The following CHST6 variants were observed in gnomAD, a reference collection of about 807,000 sequenced individuals.
CHST6 encodes carbohydrate sulfotransferase 6, also known as N-acetylglucosamine 6-O-sulfotransferase 5.
For missense variants in CHST6, 698 were observed against 586.2 expected (o/e 1.19, Z -1.97); for synonymous variants, 309 against 276.4 (o/e 1.12, Z -1.17).
chr16:75,481,502 G>A (rs751310393), intron 2 of CHST6, among the ~76,000 whole-genome samples: 33 of 151,508 alleles, frequency 2.2e-4, no homozygotes, highest in Non-Finnish European at 2.4e-4. Context: ...AGGCTGAGAC[G>A]TGAAAATCGC....
intron 1 of CHST6, among the ~76,000 whole-genome samples, chr16:75,484,769 G>A (rs988077728): frequency 2.6e-5 from 4 of 151,622 alleles, no homozygotes; most frequent in Non-Finnish European, 4.4e-5. Context: ...ATTTGAACCC[G>A]GGAGATGGAG....
Position 75,478,990 on chromosome 16 carries a change from G to C in CHST6, c.839C>G (p.Pro280Arg), listed in dbSNP as rs201767298. ...GTAGAGCGCACGGATTTCTGCCAGC[G>C]GCTCCCGCGCCAGGTCCTCGAAGCG... is the stretch of plus-strand genomic sequence containing the variant. ...LVRFEDLARE[P>R]LAEIRALYAF... The change falls in exon 3 of 3, where the codon CCG (proline) becomes CGG (arginine). Residue 280 changes from proline (P) to arginine (R), a missense_variant. Pro to Arg is a moderately radical substitution (Grantham distance 103, BLOSUM62 -2). Transcript: ENST00000332272. 6.2e-7 allele frequency: 1 copy of C among 1,612,502 alleles called. No homozygotes were observed. Among genetic ancestry groups the C allele is most frequent in the Admixed American group, 1.7e-5 (1 of 60,022 alleles).
At chr16:75,488,411 G>A (rs544558648) in intron 1 of CHST6, among the ~76,000 whole-genome samples, 4 of 151,430 alleles carry the variant, frequency 2.6e-5, no homozygotes, top group Admixed American at 6.6e-5. Flanking sequence ...AGGTTGCAGT[G>A]AGCAGAGATC....
rs779533315 is a variant in CHST6, at chr16:75,479,800, G to A, written c.29C>T (p.Ala10Val). Residue 10 changes from alanine (A) to valine (V), a missense_variant, in exon 3 of 3, where the codon GCA becomes GTA. Physicochemically the swap from Ala to Val is moderately conservative, Grantham distance 64 (BLOSUM62 0). Transcript: ENST00000332272. ...CTGCGCCAGGAGGAGCGCGGTCACT[G>A]CTGTGCTGGAGACGCGCGGCAGCCA... MWLPRVSST[A>V]VTALLLAQTF... is the part of the protein sequence containing the mutation. 197 of 1,575,654 alleles carry A rather than the reference G, an allele frequency of 1.3e-4. No homozygotes were observed. Among genetic ancestry groups the A allele is most frequent in the Non-Finnish European group, 1.6e-4 (185 of 1,162,510 alleles).
rs2080062872 is a variant in CHST6 at position 75,476,073 on chromosome 16, C to A, written c.*2568G>T. 6.6e-6 allele frequency: 1 copy of A among 151,886 alleles called. No homozygotes were observed. Among genetic ancestry groups the A allele is most frequent in the Non-Finnish European group, 1.5e-5 (1 of 67,978 alleles). The allele number at this position is 151,886 out of a possible 1,614,324, so 9.4% of individuals were successfully genotyped here. A position where few individuals can be genotyped will look rare whatever the true frequency, so the allele number is the denominator to read the frequency against. ...TGTTGGCCAGGCTGGTCTCAAACTC[C>A]TGACCTCAAGTGATCCACCTGCCTC... On this transcript the variant is annotated 3_prime_UTR_variant, in exon 3 of 3. Transcript: ENST00000332272.
Position 75,478,408 on chromosome 16 carries a change from A to C in CHST6, c.*233T>G. The C allele has an allele frequency of 1.7e-6, 1 of 574,686 alleles. No homozygotes were observed. Among genetic ancestry groups the C allele is most frequent in the Non-Finnish European group, 3.1e-6 (1 of 321,540 alleles). 35.6% of individuals were successfully genotyped at this position (574,686 alleles called of 1,614,324 possible). A position where few individuals can be genotyped will look rare whatever the true frequency, so the allele number is the denominator to read the frequency against. ...CTGTGCCCAGAGGAGGAGGGGCAAG[A>C]GTTGCTTTCCATGAAGAGTGCACCT... On this transcript the variant is annotated 3_prime_UTR_variant, in exon 3 of 3. Transcript: ENST00000332272.
intron 1 of CHST6, among the ~76,000 whole-genome samples, chr16:75,485,853 AG>A (rs5817949): frequency 0.18 from 27,311 of 152,130 alleles, 2,571 homozygotes; most frequent in Admixed American, 0.22. Flanking sequence ...CTGGACATCC[AG>A]CCGCGGGAGG....
In CHST6 at chr16:75,492,720, C is replaced by T. The variant is rs550893592; in HGVS notation, c.-92+2220G>A. Among the ~76,000 whole-genome samples, 10 of 151,314 alleles carry T rather than the reference C, an allele frequency of 6.6e-5. No homozygotes were observed. The South Asian group carries it at 1.7e-3, about 25-fold the overall frequency. On this transcript the variant is annotated intron_variant, in intron 1 of 2. Coordinates refer to ENST00000332272, the MANE Select transcript of CHST6 (RefSeq NM_021615.5). ...CAAAAAGTAGCCAGGTGTGGTGGCA[C>T]GTGCTTGTAATCCTAGCTACCCAGG...
chr16:75,491,688 T>C (rs1341983269), intron 1 of CHST6, among the ~76,000 whole-genome samples: 1 of 152,152 alleles, frequency 6.6e-6, no homozygotes, highest in African/African-American at 2.4e-5. Flanking sequence ...ATTTTCTTAT[T>C]AGTGCTTTGC....
At chr16:75,491,151 G>A (rs1272558414) in intron 1 of CHST6, among the ~76,000 whole-genome samples, 1 of 90,704 alleles carries the variant, frequency 1.1e-5, no homozygotes, top group African/African-American at 4.4e-5. Context: ...GGTGACAAGA[G>A]TGAAACTCCG....
intron 1 of CHST6, among the ~76,000 whole-genome samples, chr16:75,491,088 C>G (rs1485102776): frequency 2.1e-5 from 3 of 141,394 alleles, no homozygotes; most frequent in South Asian, 2.3e-4. Flanking sequence ...CACCTGAGGT[C>G]AGGAAGGCAG....
At chr16:75,485,019 T>C (rs1345018574) in intron 1 of CHST6, among the ~76,000 whole-genome samples, 4 of 152,132 alleles carry the variant, frequency 2.6e-5, no homozygotes, top group African/African-American at 9.7e-5. Context: ...TCATGCCCTC[T>C]CCAGCCTTCC....
In CHST6 at chr16:75,479,448, A is replaced by C. The variant is rs140578306; in HGVS notation, c.381T>G (p.Arg127=). The C allele has an allele frequency of 5.6e-6, 9 of 1,612,884 alleles. No homozygotes were observed. Among genetic ancestry groups the C allele is most frequent in the Non-Finnish European group, 7.6e-6 (9 of 1,179,842 alleles). ...TGCAGGCGGGTGGCGAGCACAGTGC[A>C]CGGCTCACGGCCCACTGGAAGAGGT... The part of the protein sequence containing the change: ...LSDLFQWAVS[R]ALCSPPACSA... The change falls in exon 3 of 3, where the codon CGT becomes CGG. Residue 127 remains arginine, a synonymous_variant. Transcript: ENST00000332272.
chr16:75,475,260 A>T lies in CHST6; in HGVS notation c.*3381T>A, dbSNP rs939648477. On this transcript the variant is annotated 3_prime_UTR_variant, in exon 3 of 3. Transcript: ENST00000332272. ...CTGAAAACCTAAGACAGGTGGAGGT[A>T]AAGTTTTGCTTCCAAGGCCTATGCT... 1 of 152,286 alleles carries T rather than the reference A, an allele frequency of 6.6e-6. No homozygotes were observed. The highest frequency in any genetic ancestry group is 1.5e-5 in the Non-Finnish European group (1 of 68,068). The allele number at this position is 152,286 out of a possible 1,614,324, so 9.4% of individuals were successfully genotyped here. A position where few individuals can be genotyped will look rare whatever the true frequency, so the allele number is the denominator to read the frequency against.
chr16:75,476,272 C>G lies in CHST6; in HGVS notation c.*2369G>C, dbSNP rs1003474386. The G allele has an allele frequency of 6.6e-6, 1 of 151,306 alleles. No homozygotes were observed. The allele number at this position is 151,306 out of a possible 1,614,324, so 9.4% of individuals were successfully genotyped here. On this transcript the variant is annotated 3_prime_UTR_variant, in exon 3 of 3. Coordinates refer to ENST00000332272, the MANE Select transcript of CHST6 (RefSeq NM_021615.5). ...GACATTCTTTAAAAGGCCCTGGAGA[C>G]TGGGTACAGTGGCTCATGCCTGTAA...
intron 1 of CHST6, among the ~76,000 whole-genome samples, chr16:75,490,958 A>C (rs1049596212): frequency 5.7e-4 from 87 of 152,082 alleles, no homozygotes; most frequent in African/African-American, 1.9e-3. Context: ...TACAAAGTTC[A>C]ATGTGAAAAC....
rs987974823 is a variant in CHST6, at chr16:75,472,603, T to C, written c.*6038A>G. ...AACCATTGATTTAACCCTGTAGAGG[T>C]GATGGGGCAGTTGTGGCAGTGGTGG... On this transcript the variant is annotated 3_prime_UTR_variant, in exon 3 of 3. Coordinates refer to ENST00000332272, the MANE Select transcript of CHST6 (RefSeq NM_021615.5). 5 of 152,106 alleles carry C rather than the reference T, an allele frequency of 3.3e-5. No individual in the cohort carries two copies. 9.4% of individuals were successfully genotyped at this position (152,106 alleles called of 1,614,324 possible).
chr16:75,476,132 C>T lies in CHST6; in HGVS notation c.*2509G>A, dbSNP rs972280002. On this transcript the variant is annotated 3_prime_UTR_variant, in exon 3 of 3. Transcript: ENST00000332272. ...AAAATGCTGGGATTACAGGCATGAG[C>T]CACCACGCCTGGCTTGTGGTTGAAA... 1 of 152,092 alleles carries T rather than the reference C, an allele frequency of 6.6e-6. No individual in the cohort carries two copies. The highest frequency in any genetic ancestry group is 1.5e-5 in the Non-Finnish European group (1 of 68,032). 9.4% of individuals were successfully genotyped at this position (152,092 alleles called of 1,614,324 possible).
intron 1 of CHST6, among the ~76,000 whole-genome samples, chr16:75,488,606 A>G (rs1446847655): frequency 6.6e-6 from 1 of 152,132 alleles, no homozygotes; most frequent in Admixed American, 6.6e-5. Flanking sequence ...TGGAAGGGGG[A>G]AGGCTAACAA....
Sources: gnomAD v4.1 joint callset for allele counts (sites outside exome capture counted in the v4.1 genomes callset) on GRCh38, gnomAD v4.1.1 for gene constraint, MANE v1.5 for transcripts, NCBI Gene and HGNC (gene_info 2026-07-23, HGNC 2026-07-21) for gene names.